Variants in CTTNBP2 observed in about 807,000 individuals in gnomAD.
The protein encoded by CTTNBP2 is cortactin binding protein 2.
CTTNBP2 carries 108 observed loss-of-function variants against 156.9 expected under a neutral mutation model. The observed-to-expected ratio is 0.69, with a 90% CI of 0.59 to 0.81. The LOEUF is 0.81. Ranked by LOEUF, CTTNBP2 falls within the 30% of genes least tolerant of loss-of-function variation. CTTNBP2 has a pLI of 0.00. For synonymous variants in CTTNBP2, 767 were observed against 751.8 expected, an observed-to-expected ratio of 1.02 and a Z score of -0.33; for missense variants, 1,924 against 2,035.4, an observed-to-expected ratio of 0.95 and a Z score of 1.05.
intron 16 of CTTNBP2, among the ~76,000 whole-genome samples, chr7:117,730,117 G>A (rs1339359686): frequency 1.3e-5 from 2 of 152,156 alleles, no homozygotes; most frequent in Admixed American, 6.6e-5. Context: ...CCACGTAGTT[G>A]TCCCTGAGTT....
At chr7:117,723,092 ACACT>A (rs1049049120) in intron 19 of CTTNBP2, among the ~76,000 whole-genome samples, 6 of 152,182 alleles carry the variant, frequency 3.9e-5, no homozygotes, top group African/African-American at 1.4e-4. Flanking sequence ...CCTAAATCAA[ACACT>A]CTGACAACTC....
intron 22 of CTTNBP2, 110 bp from the exon 23 acceptor site, chr7:117,711,892 G>T: frequency 9.2e-7 from 1 of 1,081,234 alleles, no homozygotes; most frequent in Non-Finnish European, 1.3e-6. Flanking sequence ...TAAAACTATA[G>T]GTTCTCGTGA....
At chr7:117,858,610 T>C (rs557847516) in intron 2 of CTTNBP2, among the ~76,000 whole-genome samples, 16 of 152,224 alleles carry the variant, frequency 1.1e-4, no homozygotes, top group Admixed American at 7.8e-4. Flanking sequence ...CAGATGAGCA[T>C]TTTTGGTTTT....
intron 12 of CTTNBP2, among the ~76,000 whole-genome samples, chr7:117,753,028 T>C (rs903016313): frequency 4.6e-5 from 7 of 152,150 alleles, no homozygotes; most frequent in African/African-American, 1.7e-4. Flanking sequence ...AAAGGTCTCA[T>C]ACCCAGAGTC....
At chr7:117,786,076 TTA>T (rs1235064003) in intron 4 of CTTNBP2, among the ~76,000 whole-genome samples, 1 of 152,206 alleles carries the variant, frequency 6.6e-6, no homozygotes, top group African/African-American at 2.4e-5. Flanking sequence ...TTGCCCTAAA[TTA>T]TCTTAGCATT....
chr7:117,820,601 C>A (rs1326435256), intron 2 of CTTNBP2, among the ~76,000 whole-genome samples: 1 of 152,134 alleles, frequency 6.6e-6, no homozygotes, highest in Non-Finnish European at 1.5e-5. Flanking sequence ...CATATAGATT[C>A]AATTTTTCAA....
In CTTNBP2 at chr7:117,791,194, T is replaced by C. The variant is rs766540154; in HGVS notation, c.2002A>G (p.Ile668Val). 9 of 1,614,170 alleles carry C rather than the reference T, an allele frequency of 5.6e-6. No individual in the cohort carries two copies. The highest frequency in any genetic ancestry group is 2.7e-5 in the African/African-American group (2 of 75,034). Reference sequence around the variant, plus strand: ...CAGGATGAGGCACTAACGGGGTTTATGGAAGAGCAAAAGGCAATGGTGGTA... The same window carrying C: ...CAGGATGAGGCACTAACGGGGTTTACGGAAGAGCAAAAGGCAATGGTGGTA... ...IPTTIAFCSS[I>V]NPVSASSCRP... Residue 668 changes from isoleucine (I) to valine (V), a missense_variant, in exon 4 of 23, where the codon ATA becomes GTA. By Grantham distance (29) the Ile-to-Val change is conservative (BLOSUM62 3). Transcript: ENST00000160373.
At position 117,791,188 on chromosome 7, in the gene CTTNBP2, GGT is replaced by G. The variant is rs1368868666; in HGVS notation, c.2006_2007del (p.Asn669ThrfsTer3). On this transcript the variant is annotated frameshift_variant, in exon 4 of 23. Coordinates refer to ENST00000160373, the MANE Select transcript of CTTNBP2 (RefSeq NM_033427.3). LOFTEE classifies it high-confidence loss of function. ...PTTIAFCSSINPVSASSCRPG... is the reference protein window; with the variant it reads ...PTTIAFCSSIXPVSASSCRPG... ...GGTCTACAGGATGAGGCACTAACGGGGTTTATGGAAGAGCAAAAGGCAATGGT... is the reference window on the plus strand; with the variant it reads ...GGTCTACAGGATGAGGCACTAACGGGTTATGGAAGAGCAAAAGGCAATGGT... 1 of 1,614,180 alleles carries G rather than the reference GGT, an allele frequency of 6.2e-7. No homozygotes were observed. Among genetic ancestry groups the G allele is most frequent in the Non-Finnish European group, 8.5e-7 (1 of 1,180,040 alleles).
intron 22 of CTTNBP2, chr7:117,712,255 A>G (rs1228727142): frequency 6.5e-6 from 1 of 153,272 alleles, no homozygotes. Context: ...TTCCTTCCCT[A>G]GCAGAACCTA....
At chr7:117,753,840 T>C (rs1266875209) in intron 12 of CTTNBP2, among the ~76,000 whole-genome samples, 1 of 152,162 alleles carries the variant, frequency 6.6e-6, no homozygotes, top group Non-Finnish European at 1.5e-5. Flanking sequence ...GATGGGATGA[T>C]CTGTGTAGCA....
chr7:117,715,897 C>G (rs542267491), intron 22 of CTTNBP2: 17 of 152,190 alleles, frequency 1.1e-4, no homozygotes, highest in Non-Finnish European at 2.4e-4. Flanking sequence ...AACTGGGCAT[C>G]TAACCCAGAA....
chr7:117,819,009 G>A (rs1366396700), intron 2 of CTTNBP2, among the ~76,000 whole-genome samples: 1 of 152,118 alleles, frequency 6.6e-6, no homozygotes, highest in East Asian at 1.9e-4. Context: ...AGTCAGGAAG[G>A]TCCTTGGCTT....
chr7:117,741,510 TACTA>T (rs1265965723), intron 14 of CTTNBP2, among the ~76,000 whole-genome samples: 1 of 152,252 alleles, frequency 6.6e-6, no homozygotes, highest in Non-Finnish European at 1.5e-5. Flanking sequence ...GTATCTGTCT[TACTA>T]ACCCAATTCC....
At chr7:117,762,216 C>T (rs1797251617) in intron 9 of CTTNBP2, among the ~76,000 whole-genome samples, 1 of 152,152 alleles carries the variant, frequency 6.6e-6, no homozygotes, top group Non-Finnish European at 1.5e-5. Flanking sequence ...AGACTGCTGA[C>T]CTTCACATTT....
At chr7:117,741,901 A>C (rs940875356) in intron 14 of CTTNBP2, among the ~76,000 whole-genome samples, 4 of 152,224 alleles carry the variant, frequency 2.6e-5, no homozygotes, top group African/African-American at 9.6e-5. Context: ...AAAATTCACC[A>C]ATTTATTCAA....
intron 2 of CTTNBP2, among the ~76,000 whole-genome samples, chr7:117,832,644 C>G (rs976040733): frequency 6.6e-6 from 1 of 150,842 alleles, no homozygotes; most frequent in Non-Finnish European, 1.5e-5. Flanking sequence ...TCTGAGATAT[C>G]ACTGACTAGG....
chr7:117,727,613 TTTTTTCTC>T (rs1795164690), intron 17 of CTTNBP2, among the ~76,000 whole-genome samples: 1 of 152,214 alleles, frequency 6.6e-6, no homozygotes, highest in Non-Finnish European at 1.5e-5. Flanking sequence ...TGGTAACAAA[TTTTTTCTC>T]ATTTCAACTT....
At chr7:117,824,818 G>A (rs938183592) in intron 2 of CTTNBP2, among the ~76,000 whole-genome samples, 1 of 152,230 alleles carries the variant, frequency 6.6e-6, no homozygotes, top group Non-Finnish European at 1.5e-5. Context: ...AAGACAGATG[G>A]TATCTAAAAA....
Position 117,777,699 on chromosome 7 carries a change from A to G in CTTNBP2, c.2590T>C (p.Tyr864His), listed in dbSNP as rs1448960785. 1 of 1,614,070 alleles carries G rather than the reference A, an allele frequency of 6.2e-7. No individual in the cohort carries two copies. Among genetic ancestry groups the G allele is most frequent in the Non-Finnish European group, 8.5e-7 (1 of 1,179,928 alleles). ...TTTCCATGAGCTGGTATTCTATGGT[A>G]CATAAGAAGCTTGAGGCTGTCCACA... ...GNVDSLKLLM[Y>H]HRIPAHGNSF... The change falls in exon 8 of 23, where the codon TAC becomes CAC. Residue 864 changes from tyrosine to histidine, a missense_variant. Coordinates refer to ENST00000160373, the MANE Select transcript of CTTNBP2 (RefSeq NM_033427.3).
Sources: allele counts gnomAD v4.1 joint callset (sites outside exome capture counted in the v4.1 genomes callset), GRCh38; gene constraint gnomAD v4.1.1; transcripts MANE v1.5; gene names NCBI Gene and HGNC (gene_info 2026-07-23, HGNC 2026-07-21).